The following CDH2 variants were observed in gnomAD, a reference collection of about 807,000 sequenced individuals.
CDH2 encodes the protein cadherin-2.
In CDH2, 17 loss-of-function variants were observed where a neutral mutation model predicts 92.0. The ratio of observed to expected loss-of-function variants is 0.18; its 90% confidence interval spans 0.13 to 0.28. The LOEUF (loss-of-function observed/expected upper bound fraction) is 0.28. Ranked by LOEUF, CDH2 falls within the 10% of genes least tolerant of loss-of-function variation. The pLI, the probability that CDH2 is intolerant of heterozygous loss-of-function variation, is 1.00. For synonymous variants in CDH2, 419 were observed against 415.9 expected (o/e 1.01, Z -0.09); for missense variants, 862 against 1,133.1 (o/e 0.76, Z 3.44).
chr18:27,953,493 C>T (rs1909561248), intron 15 of CDH2, among the ~76,000 whole-genome samples: 1 of 152,124 alleles, frequency 6.6e-6, no homozygotes, highest in Admixed American at 6.6e-5. Flanking sequence ...CTTATATGGC[C>T]TCACCTATCT....
intron 2 of CDH2, among the ~76,000 whole-genome samples, chr18:28,138,284 T>C (rs1293711043): frequency 2.6e-5 from 4 of 151,878 alleles, no homozygotes; most frequent in Non-Finnish European, 5.9e-5. Flanking sequence ...ATTTTACAAG[T>C]GTAAGATGGT....
intron 2 of CDH2, among the ~76,000 whole-genome samples, chr18:28,137,573 C>T (rs887986710): frequency 6.9e-6 from 1 of 144,668 alleles, no homozygotes; most frequent in Non-Finnish European, 1.6e-5. Flanking sequence ...GTATTAAAGG[C>T]AAAAAAACAA....
chr18:27,955,177 G>A (rs1175233139), intron 15 of CDH2, among the ~76,000 whole-genome samples: 2 of 151,980 alleles, frequency 1.3e-5, no homozygotes, highest in Admixed American at 1.3e-4. Context: ...CAGAGCCCTG[G>A]CCCAATCCTT....
intron 2 of CDH2, among the ~76,000 whole-genome samples, chr18:28,077,222 G>A (rs1022426691): frequency 5.3e-5 from 8 of 152,116 alleles, no homozygotes; most frequent in African/African-American, 1.9e-4. Context: ...CAACTACTGA[G>A]TAATGGCATA....
intron 14 of CDH2, 148 bp downstream of exon 14, chr18:27,982,796 T>A: frequency 2.3e-6 from 1 of 430,818 alleles, no homozygotes; most frequent in Admixed American, 4.3e-5. Flanking sequence ...ATTTGAGAAA[T>A]ATTCAACACA....
At chr18:28,065,216 C>A (rs906788537) in intron 2 of CDH2, among the ~76,000 whole-genome samples, 2 of 152,106 alleles carry the variant, frequency 1.3e-5, no homozygotes, top group African/African-American at 4.8e-5. Flanking sequence ...GGGTTTTTAT[C>A]CCCTGTTGAC....
In CDH2 at chr18:27,985,093, T is replaced by C; in HGVS notation, c.2116A>G (p.Asn706Asp). The change falls in exon 13 of 16, where the codon AAC becomes GAC. Residue 706 changes from asparagine to aspartate, a missense_variant. Coordinates refer to ENST00000269141, the MANE Select transcript of CDH2 (RefSeq NM_001792.5). ...CTGTCCACATCTGTGCAGTCCCCGT[T>C]GGAGTCACACTGGCAAACCTTCACA... The part of the protein sequence containing the change: ...LRVKVCQCDS[N>D]GDCTDVDRIV... 2.5e-6 allele frequency: 4 copies of C among 1,614,150 alleles called. No individual in the cohort carries two copies. The highest frequency in any genetic ancestry group is 3.4e-6 in the Non-Finnish European group (4 of 1,179,990).
At chr18:28,012,782 C>G (rs1377239199) in intron 3 of CDH2, among the ~76,000 whole-genome samples, 1 of 152,114 alleles carries the variant, frequency 6.6e-6, no homozygotes, top group Non-Finnish European at 1.5e-5. Flanking sequence ...AATAAAACCA[C>G]AACACTGAAA....
At chr18:28,114,284 T>C (rs1013538243) in intron 2 of CDH2, among the ~76,000 whole-genome samples, 1 of 152,156 alleles carries the variant, frequency 6.6e-6, no homozygotes, top group South Asian at 2.1e-4. Flanking sequence ...ATACATTATA[T>C]GTATAGAAAT....
chr18:28,140,021 C>T (rs2015927574), intron 2 of CDH2, among the ~76,000 whole-genome samples: 1 of 151,954 alleles, frequency 6.6e-6, no homozygotes, highest in Admixed American at 6.6e-5. Context: ...AGTGCTCAAA[C>T]ACCACATGTA....
intron 2 of CDH2, among the ~76,000 whole-genome samples, chr18:28,064,170 C>T (rs1284193955): frequency 1.3e-5 from 2 of 151,984 alleles, no homozygotes; most frequent in Non-Finnish European, 2.9e-5. Flanking sequence ...AGAGATTTTT[C>T]TCTCTTCTGT....
At chr18:28,040,812 C>A (rs1446006868) in intron 2 of CDH2, among the ~76,000 whole-genome samples, 1 of 152,166 alleles carries the variant, frequency 6.6e-6, no homozygotes, top group Non-Finnish European at 1.5e-5. Context: ...CAACAAATAC[C>A]AAGTATTCTA....
chr18:28,153,542 AC>A, intron 1 of CDH2, among the ~76,000 whole-genome samples: 1 of 152,152 alleles, frequency 6.6e-6, no homozygotes, highest in African/African-American at 2.4e-5. Context: ...CAGGGGCAAC[AC>A]CCCCCAACCC....
intron 10 of CDH2, 127 bp downstream of exon 10, chr18:27,989,970 A>T: frequency 1.3e-6 from 1 of 759,682 alleles, no homozygotes; most frequent in Non-Finnish European, 2.1e-6. Flanking sequence ...AAAGAATTTT[A>T]AATTATCTTT....
At chr18:28,011,446 A>AT (rs1346486846) in intron 4 of CDH2, among the ~76,000 whole-genome samples, 2 of 151,960 alleles carry the variant, frequency 1.3e-5, no homozygotes, top group East Asian at 1.9e-4. Context: ...ATTGCCCTTT[A>AT]TTTTTTCTGT....
At position 28,176,971 on chromosome 18, in the gene CDH2, G is replaced by A. The variant is rs1486520131; in HGVS notation, c.52C>T (p.Leu18=). 4.2e-6 allele frequency: 6 copies of A among 1,429,852 alleles called. No homozygotes were observed. The African/African-American group carries it at 5.9e-5, about 14-fold the overall frequency. 88.6% of individuals were successfully genotyped at this position (1,429,852 alleles called of 1,614,324 possible). ...LRTLLPLLAA[L]LQASVEASGE... is the part of the protein sequence containing the mutation. Reference sequence around the variant, plus strand: ...CGGGGACCGCCGCGTACCTGAAGCAGGGCCGCCAGCAGCGGCAGCAGGGTC... The same window carrying A: ...CGGGGACCGCCGCGTACCTGAAGCAAGGCCGCCAGCAGCGGCAGCAGGGTC... Residue 18 remains leucine (L), a synonymous_variant, in exon 1 of 16, where the codon CTG becomes TTG. Coordinates refer to ENST00000269141, the MANE Select transcript of CDH2 (RefSeq NM_001792.5).
chr18:28,076,227 A>G (rs2144179105), intron 2 of CDH2, among the ~76,000 whole-genome samples: 1 of 152,160 alleles, frequency 6.6e-6, no homozygotes, highest in East Asian at 1.9e-4. Context: ...ACCAATTACT[A>G]TTTTATTTTA....
intron 9 of CDH2, among the ~76,000 whole-genome samples, chr18:27,991,836 T>C (rs2012426650): frequency 6.6e-6 from 1 of 152,198 alleles, no homozygotes; most frequent in Non-Finnish European, 1.5e-5. Flanking sequence ...GTAAGGTCAA[T>C]ATTTAGGTTC....
At chr18:27,939,960 G>C (rs558194972) in intron 6 of CDH2, among the ~76,000 whole-genome samples, 1 of 152,108 alleles carries the variant, frequency 6.6e-6, no homozygotes, top group Admixed American at 6.5e-5. Context: ...CTATATAGGC[G>C]TGTCTGCAAC....
Sources: gnomAD v4.1 joint callset for allele counts (sites outside exome capture counted in the v4.1 genomes callset) on GRCh38, gnomAD v4.1.1 for gene constraint, MANE v1.5 for transcripts, NCBI Gene and HGNC (gene_info 2026-07-23, HGNC 2026-07-21) for gene names.